The following GNA12 variants were observed in gnomAD, a reference collection of about 807,000 sequenced individuals.
GNA12 encodes the protein guanine nucleotide-binding protein subunit alpha-12.
A neutral mutation model predicts 26.0 loss-of-function variants in GNA12; 9 were observed. The observed-to-expected ratio is 0.35, with a 90% CI of 0.21 to 0.60. The LOEUF is 0.60. Among genes scored for constraint, GNA12 ranks in the 20% least tolerant of loss-of-function variants. GNA12 has a pLI of 0.78. For missense variants in GNA12, 405 were observed against 525.8 expected (o/e 0.77, Z 2.25); for synonymous variants, 264 against 219.6 (o/e 1.20, Z -1.79).
At position 2,843,964 on chromosome 7, in the gene GNA12, G is replaced by A. The variant is rs762651797; in HGVS notation, c.198C>T (p.Gly66=). Residue 66 remains glycine, a synonymous_variant, in exon 1 of 4, where the codon GGC becomes GGT. Coordinates refer to ENST00000275364, the MANE Select transcript of GNA12 (RefSeq NM_007353.3). ...TGAGGAACGTGGACTTGCCGCTCTC[G>A]CCCGCGCCCAGCAGCAGGATCTTCA... is the stretch of plus-strand genomic sequence containing the variant. ...RLVKILLLGA[G]ESGKSTFLKQ... 5 of 1,589,388 alleles carry A rather than the reference G, an allele frequency of 3.1e-6. No individual in the cohort carries two copies. In the South Asian group the frequency reaches 5.7e-5, roughly 18 times the overall value.
intron 1 of GNA12, among the ~76,000 whole-genome samples, chr7:2,839,237 C>CT (rs1167202959): frequency 7.1e-6 from 1 of 140,612 alleles, no homozygotes; most frequent in Non-Finnish European, 1.6e-5. Context: ...ACAGGAAAAT[C>CT]TTTTCTTTTT....
intron 2 of GNA12, among the ~76,000 whole-genome samples, chr7:2,770,367 T>C (rs1436239686): frequency 3.3e-5 from 5 of 152,186 alleles, no homozygotes; most frequent in African/African-American, 9.7e-5. Flanking sequence ...CTCAATAGCC[T>C]CTAGAACCAT....
intron 1 of GNA12, among the ~76,000 whole-genome samples, chr7:2,829,530 A>G (rs898854278): frequency 1.1e-4 from 16 of 152,110 alleles, no homozygotes; most frequent in African/African-American, 3.6e-4. Flanking sequence ...TCAATCTATT[A>G]CTTCTGCCAT....
chr7:2,803,155 G>A (rs1407896177), intron 1 of GNA12, among the ~76,000 whole-genome samples: 3 of 152,308 alleles, frequency 2.0e-5, no homozygotes, highest in East Asian at 1.9e-4. Flanking sequence ...CAAAACAAGC[G>A]TAGCAGCAAG....
At position 2,795,161 on chromosome 7, in the gene GNA12, G is replaced by A. The variant is rs1158379989; in HGVS notation, c.310-18C>T. ...CTTGAGCCCTAGAAAATAAAAGAAA[G>A]AAGAGAGGATTTAATTGCATTCCAA... On this transcript the variant is annotated intron_variant, in intron 1 of 3. Transcript: ENST00000275364. 6.9e-6 allele frequency: 11 copies of A among 1,588,536 alleles called. No homozygotes were observed. Among genetic ancestry groups the A allele is most frequent in the African/African-American group, 2.7e-5 (2 of 74,316 alleles).
chr7:2,736,743 C>T (rs989609358), intron 2 of GNA12, among the ~76,000 whole-genome samples: 1 of 152,244 alleles, frequency 6.6e-6, no homozygotes, highest in African/African-American at 2.4e-5. Context: ...AAGACACACG[C>T]TCGGCTTGCT....
At chr7:2,769,550 G>A (rs892442486) in intron 2 of GNA12, among the ~76,000 whole-genome samples, 16 of 151,988 alleles carry the variant, frequency 1.1e-4, no homozygotes, top group African/African-American at 3.9e-4. Flanking sequence ...CCAACACGGT[G>A]AAACCCCGTC....
At chr7:2,811,448 C>T (rs1793079463) in intron 1 of GNA12, among the ~76,000 whole-genome samples, 1 of 152,220 alleles carries the variant, frequency 6.6e-6, no homozygotes, top group Non-Finnish European at 1.5e-5. Flanking sequence ...TCACATGTTC[C>T]AGAGGTACAG....
intron 2 of GNA12, among the ~76,000 whole-genome samples, chr7:2,791,757 A>T (rs1295729882): frequency 6.6e-6 from 1 of 152,200 alleles, no homozygotes; most frequent in East Asian, 1.9e-4. Context: ...GGTAACGGTG[A>T]CTTCAGATGG....
chr7:2,786,892 G>C (rs970578988), intron 2 of GNA12, among the ~76,000 whole-genome samples: 1 of 152,136 alleles, frequency 6.6e-6, no homozygotes, highest in African/African-American at 2.4e-5. Context: ...GGAGACTGGG[G>C]ACTCTGGGTC....
At chr7:2,783,003 T>C (rs1792268266) in intron 2 of GNA12, among the ~76,000 whole-genome samples, 1 of 152,228 alleles carries the variant, frequency 6.6e-6, no homozygotes, top group South Asian at 2.1e-4. Flanking sequence ...TTAAATAGTG[T>C]CCAGTTTTCT....
At chr7:2,815,692 G>A (rs2283783) in intron 1 of GNA12, among the ~76,000 whole-genome samples, 59,247 of 151,926 alleles carry the variant, frequency 0.39, 11,903 homozygotes, top group Admixed American at 0.46. Context: ...CTGACCCAGC[G>A]TGGTGCTCCC....
chr7:2,749,895 G>A (rs894716441), intron 2 of GNA12, among the ~76,000 whole-genome samples: 12 of 152,162 alleles, frequency 7.9e-5, no homozygotes, highest in African/African-American at 2.2e-4. Flanking sequence ...AGAATGAGGT[G>A]CAGGCATCTT....
rs1780806874 is a variant in GNA12, at chr7:2,731,991, T to C, written c.577-241A>G. The stretch of plus-strand genomic sequence containing the variant: ...GTCTGAGGACGAATGCTCAGAACAC[T>C]CGTGGGCAGGCCCAGCGCAAAACCA... On this transcript the variant is annotated intron_variant, in intron 3 of 3. Transcript: ENST00000275364. The surrounding 1 kb of genome is among the most constrained non-coding windows in gnomAD (Gnocchi z 6.0). Among the ~76,000 whole-genome samples, 1 of 152,186 alleles carries C rather than the reference T, an allele frequency of 6.6e-6. No individual in the cohort carries two copies.
chr7:2,812,613 G>C (rs1048936812), intron 1 of GNA12, among the ~76,000 whole-genome samples: 2 of 128,204 alleles, frequency 1.6e-5, no homozygotes, highest in African/African-American at 2.7e-5. Context: ...TGGGCAACAA[G>C]AGTGAAACTC....
intron 2 of GNA12, among the ~76,000 whole-genome samples, chr7:2,738,580 G>A (rs1327677393): frequency 6.6e-6 from 1 of 152,104 alleles, no homozygotes; most frequent in Non-Finnish European, 1.5e-5. Context: ...TTTGGAAAAG[G>A]AAACGTGGAT....
intron 1 of GNA12, among the ~76,000 whole-genome samples, chr7:2,842,653 A>C (rs1288460523): frequency 1.3e-5 from 2 of 152,264 alleles, no homozygotes; most frequent in Admixed American, 6.5e-5. Context: ...AGCAAGAGAC[A>C]GGAGAATCTG....
chr7:2,740,821 G>T (rs1790461727), intron 2 of GNA12, among the ~76,000 whole-genome samples: 1 of 152,296 alleles, frequency 6.6e-6, no homozygotes, highest in African/African-American at 2.4e-5. Flanking sequence ...GAGGCGGACG[G>T]ATCACGAGGT....
intron 2 of GNA12, among the ~76,000 whole-genome samples, chr7:2,751,847 C>G (rs1261921377): frequency 6.6e-6 from 1 of 152,140 alleles, no homozygotes; most frequent in Non-Finnish European, 1.5e-5. Flanking sequence ...CTTTAAAAGA[C>G]TGGATTTGTT....
Sources: allele counts gnomAD v4.1 joint callset (sites outside exome capture counted in the v4.1 genomes callset), GRCh38; gene constraint gnomAD v4.1.1; non-coding constraint Gnocchi (gnomAD v3.1); transcripts MANE v1.5; gene names NCBI Gene and HGNC (gene_info 2026-07-23, HGNC 2026-07-21).